Variants in IFI44 observed in about 807,000 individuals in gnomAD.
IFI44 encodes the protein interferon-induced protein 44.
A neutral mutation model predicts 45.0 loss-of-function variants in IFI44; 42 were observed. That is an observed-to-expected ratio of 0.93 (90% CI 0.73 to 1.21). The LOEUF (loss-of-function observed/expected upper bound fraction) is 1.21, where lower values mean the gene tolerates loss of function less well. IFI44 is among the 50% of genes most tolerant of loss of function. The pLI is 0.00. For synonymous variants in IFI44, 221 were observed against 188.6 expected, an observed-to-expected ratio of 1.17 and a Z score of -1.41; for missense variants, 623 against 525.8, an observed-to-expected ratio of 1.18 and a Z score of -1.81.
Position 78,650,551 on chromosome 1 carries a change from G to A in IFI44, c.356G>A (p.Arg119Lys). 1 of 1,613,430 alleles carries A rather than the reference G, an allele frequency of 6.2e-7. No homozygotes were observed. Among genetic ancestry groups the A allele is most frequent in the Admixed American group, 1.7e-5 (1 of 60,006 alleles). ...NSPTNFQIDGRNRKVIMDLKT... is the reference protein window; with the variant it reads ...NSPTNFQIDGKNRKVIMDLKT... Reference sequence around the variant, plus strand: ...CCAACTAATTTCCAGATAGATGGAAGAAATAGAAAAGTGATTATGGACTTA... The same window carrying A: ...CCAACTAATTTCCAGATAGATGGAAAAAATAGAAAAGTGATTATGGACTTA... The change falls in exon 2 of 9, where the codon AGA becomes AAA. Residue 119 changes from arginine to lysine, a missense_variant. Physicochemically the swap from Arg to Lys is conservative, Grantham distance 26. Coordinates refer to ENST00000370747, the MANE Select transcript of IFI44 (RefSeq NM_006417.5).
Position 78,650,418 on chromosome 1 carries a change from G to T in IFI44, c.223G>T (p.Ala75Ser). 6.2e-7 allele frequency: 1 copy of T among 1,613,480 alleles called. No individual in the cohort carries two copies. The highest frequency in any genetic ancestry group is 8.5e-7 in the Non-Finnish European group (1 of 1,179,420). The part of the protein sequence containing the change: ...AEESYQEGKY[A>S]SIILFALQDT... ...AGAGAGTTACCAGGAAGGAAAGTATGCTTCCATCATCCTTTTTGCACTTCA... is the reference window on the plus strand; with the variant it reads ...AGAGAGTTACCAGGAAGGAAAGTATTCTTCCATCATCCTTTTTGCACTTCA... The change falls in exon 2 of 9, where the codon GCT becomes TCT. Residue 75 changes from alanine (A) to serine (S), a missense_variant. Ala to Ser is a moderately conservative substitution (Grantham distance 99, BLOSUM62 1). Transcript: ENST00000370747.
chr1:78,653,411 A>G (rs1049749661), intron 2 of IFI44, among the ~76,000 whole-genome samples: 6 of 152,150 alleles, frequency 3.9e-5, no homozygotes, highest in Non-Finnish European at 8.8e-5. Flanking sequence ...GTCTTATTAC[A>G]TTATAGATAT....
intron 7 of IFI44, among the ~76,000 whole-genome samples, chr1:78,662,180 A>G (rs965788987): frequency 6.6e-6 from 1 of 152,180 alleles, no homozygotes; most frequent in African/African-American, 2.4e-5. Context: ...TAAGTATGTG[A>G]TAGATTTTCT....
chr1:78,652,072 C>T (rs1347045078), intron 2 of IFI44, among the ~76,000 whole-genome samples: 2 of 152,026 alleles, frequency 1.3e-5, no homozygotes, highest in Non-Finnish European at 2.9e-5. Flanking sequence ...AAGCATGCCC[C>T]CTTAATCCAT....
rs758548967 is a variant in IFI44 at position 78,655,497 on chromosome 1, C to G, written c.826C>G (p.Arg276Gly). ...ATTCTATATCTTGAACGGTAACATT[C>G]GTGATAGATACCAGGTAATATTTGA... ...DIFYILNGNI[R>G]DRYQFNPMES... is the part of the protein sequence containing the mutation. Residue 276 changes from arginine (R) to glycine (G), a missense_variant, in exon 5 of 9, where the codon CGT becomes GGT. By Grantham distance (125) the Arg-to-Gly change is moderately radical (BLOSUM62 -2). Coordinates refer to ENST00000370747, the MANE Select transcript of IFI44 (RefSeq NM_006417.5). 2 of 1,608,232 alleles carry G rather than the reference C, an allele frequency of 1.2e-6. No individual in the cohort carries two copies. The highest frequency in any genetic ancestry group is 1.3e-5 in the African/African-American group (1 of 74,684).
At chr1:78,655,913 G>C in intron 5 of IFI44, among the ~76,000 whole-genome samples, 1 of 152,140 alleles carries the variant, frequency 6.6e-6, no homozygotes, top group East Asian at 1.9e-4. Context: ...ATATGTTGAA[G>C]TCCCTAGTCC....
In IFI44 at chr1:78,660,428, CG is replaced by C; in HGVS notation, c.1013-122del. ...AGTTTTTTGGGGAGATGAGGGTGAC[CG>C]GGGTGTGGGGGATCTTTCCAAATCT... is the stretch of plus-strand genomic sequence containing the variant. On this transcript the variant is annotated intron_variant, in intron 6 of 8. Transcript: ENST00000370747. 9.1e-6 allele frequency: 6 copies of C among 659,908 alleles called. No homozygotes were observed. The South Asian group carries it at 1.2e-4, about 13-fold the overall frequency. The allele number at this position is 659,908 out of a possible 1,614,324, so 40.9% of individuals were successfully genotyped here. A position where few individuals can be genotyped will look rare whatever the true frequency, so the allele number is the denominator to read the frequency against.
intron 8 of IFI44, 111 bp from the exon 9 acceptor site, chr1:78,663,654 T>C: frequency 6.7e-7 from 1 of 1,495,142 alleles, no homozygotes; most frequent in Non-Finnish European, 8.9e-7. Flanking sequence ...ATGGTACGTG[T>C]GCTCCTAATA....
intron 2 of IFI44, among the ~76,000 whole-genome samples, chr1:78,651,517 G>A (rs1267047947): frequency 6.6e-6 from 1 of 152,142 alleles, no homozygotes; most frequent in Non-Finnish European, 1.5e-5. Flanking sequence ...TGCCTCTCAC[G>A]TCCTGCTCTG....
chr1:78,660,692 G>T (rs1265280386), intron 7 of IFI44, 38 bp downstream of exon 7: 1 of 1,291,454 alleles, frequency 7.7e-7, no homozygotes, highest in Non-Finnish European at 1.1e-6. Flanking sequence ...ATTTTCTGGG[G>T]TATGTTACTA....
intron 2 of IFI44, among the ~76,000 whole-genome samples, chr1:78,652,242 C>T (rs1362349665): frequency 6.6e-6 from 1 of 152,116 alleles, no homozygotes; most frequent in African/African-American, 2.4e-5. Flanking sequence ...CCACCATCCC[C>T]GGCTAATTTT....
chr1:78,649,985 C>A, intron 1 of IFI44, 80 bp downstream of exon 1: 1 of 416,088 alleles, frequency 2.4e-6, no homozygotes, highest in Non-Finnish European at 4.3e-6. Flanking sequence ...TGTCACTTGC[C>A]AATCTCAGTT....
rs141575882 is a variant in IFI44, at chr1:78,655,360, A to G, written c.691-2A>G. The G allele has an allele frequency of 7.2e-5, 115 of 1,597,726 alleles. No individual in the cohort carries two copies. The South Asian group carries it at 1.2e-3, about 17-fold the overall frequency. On this transcript the variant is annotated splice_acceptor_variant, in intron 4 of 8. Transcript: ENST00000370747. LOFTEE classifies it high-confidence loss of function. Reference sequence around the variant, plus strand: ...TTAAAATTGCTTTTCTCCCCTCTACAGTATAGGACATACTCTATTAGAGAC... The same window carrying G: ...TTAAAATTGCTTTTCTCCCCTCTACGGTATAGGACATACTCTATTAGAGAC...
At chr1:78,662,202 T>TA (rs1295249179) in intron 7 of IFI44, among the ~76,000 whole-genome samples, 1 of 152,172 alleles carries the variant, frequency 6.6e-6, no homozygotes, top group Non-Finnish European at 1.5e-5. Flanking sequence ...AATCAGTCCT[T>TA]ATAACAAGCC....
intron 7 of IFI44, among the ~76,000 whole-genome samples, chr1:78,661,867 A>T (rs910282915): frequency 1.1e-4 from 16 of 152,186 alleles, no homozygotes; most frequent in African/African-American, 3.6e-4. Context: ...CAATATATTA[A>T]TGGAGGAAAA....
rs181649011 is a variant in IFI44, at chr1:78,659,921, G to T, written c.1012+438G>T. Among the ~76,000 whole-genome samples the T allele has an allele frequency of 1.2e-4, 18 of 152,290 alleles. No homozygotes were observed. In the East Asian group the frequency reaches 3.5e-3, roughly 29 times the overall value. Reference sequence around the variant, plus strand: ...GGAAGGTAAGATGTTTGTAGGGAGAGGTAAAGAGTTTGGAGAAGGTAACCA... The same window carrying T: ...GGAAGGTAAGATGTTTGTAGGGAGATGTAAAGAGTTTGGAGAAGGTAACCA... On this transcript the variant is annotated intron_variant, in intron 6 of 8. Coordinates refer to ENST00000370747, the MANE Select transcript of IFI44 (RefSeq NM_006417.5).
At chr1:78,651,108 C>G (rs563774791) in intron 2 of IFI44, among the ~76,000 whole-genome samples, 4 of 152,240 alleles carry the variant, frequency 2.6e-5, no homozygotes, top group Non-Finnish European at 4.4e-5. Flanking sequence ...TTTTTGGCAC[C>G]AGGGACCAGT....
intron 8 of IFI44, chr1:78,663,515 T>G (rs1182565655): frequency 1.0e-6 from 1 of 984,996 alleles, no homozygotes. Flanking sequence ...ATTTTAGTGC[T>G]TGGGAAATCA....
At position 78,650,343 on chromosome 1, in the gene IFI44, A is replaced by G. The variant is rs1208062854; in HGVS notation, c.148A>G (p.Thr50Ala). The G allele has an allele frequency of 2.5e-6, 4 of 1,613,852 alleles. No individual in the cohort carries two copies. Among genetic ancestry groups the G allele is most frequent in the Admixed American group, 3.3e-5 (2 of 59,988 alleles). ...TGACAGATGTTGTAATCAAGGGCCT[A>G]CTCTAACAGTGATTTATAGTGAAGA... is the stretch of plus-strand genomic sequence containing the variant. The part of the protein sequence containing the change: ...LLDRCCNQGP[T>A]LTVIYSEDHI... The change falls in exon 2 of 9, where the codon ACT becomes GCT. Residue 50 changes from threonine to alanine, a missense_variant. Coordinates refer to ENST00000370747, the MANE Select transcript of IFI44 (RefSeq NM_006417.5).
Sources: allele counts gnomAD v4.1 joint callset (sites outside exome capture counted in the v4.1 genomes callset), GRCh38; gene constraint gnomAD v4.1.1; transcripts MANE v1.5; gene names NCBI Gene and HGNC (gene_info 2026-07-23, HGNC 2026-07-21).